Variants in ZMAT1 observed in about 807,000 individuals in gnomAD.
ZMAT1 encodes zinc finger matrin-type protein 1.
Under a neutral mutation model 18.5 loss-of-function variants are expected in ZMAT1, and 11 were observed. The observed-to-expected ratio is 0.59, with a 90% CI of 0.37 to 0.98. The LOEUF is 0.98. Ranked by LOEUF, ZMAT1 falls within the 50% of genes least tolerant of loss-of-function variation. The pLI, the probability that ZMAT1 is intolerant of heterozygous loss-of-function variation, is 0.01. For synonymous variants in ZMAT1, 211 were observed against 176.4 expected (o/e 1.20, Z -1.55); for missense variants, 525 against 496.2 (o/e 1.06, Z -0.55).
At position 101,929,476 on chromosome X, in the gene ZMAT1, G is replaced by C. The variant is rs1381199407; in HGVS notation, c.292+2241C>G. Among the ~76,000 whole-genome samples the C allele has an allele frequency of 5.0e-5, 5 of 99,473 alleles. No individual in the cohort carries two copies. The South Asian group carries it at 2.4e-3, about 47-fold the overall frequency. The allele number at this position is 99,473 out of a possible 115,157, so 86.4% of individuals were successfully genotyped here. A position where few individuals can be genotyped will look rare whatever the true frequency, so the allele number is the denominator to read the frequency against. ...ATATATACACACAGAGAGAGAGAGA[G>C]AGAGAGAGAGAGAGAGACACACAAA... On this transcript the variant is annotated intron_variant, in intron 1 of 5. Coordinates refer to ENST00000651725, the MANE Select transcript of ZMAT1 (RefSeq NM_001394560.1).
At position 101,884,639 on chromosome X, in the gene ZMAT1, G is replaced by T. The variant is rs1244191636; in HGVS notation, c.959C>A (p.Pro320His). ...TCTTTGTTCAAACATTCTATGTCTG[G>T]GTCTGGAATCGACCACTTCTCTGTA... ...RRYREVVDSR[P>H]RHRMFEQRLP... The change falls in exon 6 of 6, where the codon CCC (proline) becomes CAC (histidine). Residue 320 changes from proline (P) to histidine (H), a missense_variant. Coordinates refer to ENST00000651725, the MANE Select transcript of ZMAT1 (RefSeq NM_001394560.1). 1.8e-5 allele frequency: 22 copies of T among 1,210,534 alleles called. No individual in the cohort carries two copies. Among genetic ancestry groups the T allele is most frequent in the Non-Finnish European group, 2.5e-5 (22 of 894,987 alleles).
At chrX:101,920,816 G>C (rs1022920283) in intron 1 of ZMAT1, among the ~76,000 whole-genome samples, 6 of 111,369 alleles carry the variant, frequency 5.4e-5, no homozygotes, top group African/African-American at 2.0e-4. Flanking sequence ...TAAAATCAAA[G>C]TATCTGTGGG....
chrX:101,896,661 A>G (rs1927829330), intron 4 of ZMAT1, among the ~76,000 whole-genome samples: 1 of 112,220 alleles, frequency 8.9e-6, no homozygotes, highest in Non-Finnish European at 1.9e-5. Context: ...TTTCCATGGC[A>G]GGCATGCCTT....
chrX:101,900,845 G>A (rs770706216), intron 2 of ZMAT1, among the ~76,000 whole-genome samples: 68 of 111,363 alleles, frequency 6.1e-4, no homozygotes, highest in Admixed American at 3.0e-3. Flanking sequence ...GAAGAATGAT[G>A]GTGGTATTTT....
At chrX:101,899,617 A>G (rs956608932) in intron 2 of ZMAT1, among the ~76,000 whole-genome samples, 6 of 112,189 alleles carry the variant, frequency 5.3e-5, no homozygotes, top group African/African-American at 1.9e-4. Context: ...TCATCCAGAT[A>G]ACTGAAAATG....
In ZMAT1 at chrX:101,882,474, TTTAAG is replaced by T. The variant is rs1020998759; in HGVS notation, c.*1031_*1035del. On this transcript the variant is annotated 3_prime_UTR_variant, in exon 6 of 6. Transcript: ENST00000651725. ...TTAGATTTAACAAAGAAAAAATCAG[TTTAAG>T]TTATTTCATACATATTCCTTGGAGA... 5 of 111,771 alleles carry T rather than the reference TTTAAG, an allele frequency of 4.5e-5. No individual in the cohort carries two copies. The highest frequency in any genetic ancestry group is 7.6e-5 in the Non-Finnish European group (4 of 52,930). The allele number at this position is 111,771 out of a possible 1,213,427, so 9.2% of individuals were successfully genotyped here.
At chrX:101,909,085 A>G (rs1043984349) in intron 1 of ZMAT1, among the ~76,000 whole-genome samples, 1 of 109,567 alleles carries the variant, frequency 9.1e-6, no homozygotes, top group Non-Finnish European at 1.9e-5. Context: ...GCTCAGCCAC[A>G]CAAGGATAGA....
In ZMAT1 at chrX:101,884,597, A is replaced by C; in HGVS notation, c.1001T>G (p.Phe334Cys). ...ATTGTATGGTGCTGCGTATGTCCGG[A>C]AAGTCTCAAATGGGAGTCTTTGTTC... is the stretch of plus-strand genomic sequence containing the variant. ...MFEQRLPFET[F>C]RTYAAPYNIS... Residue 334 changes from phenylalanine to cysteine, a missense_variant, in exon 6 of 6, where the codon TTC becomes TGC. Physicochemically the swap from Phe to Cys is radical, Grantham distance 205 (BLOSUM62 -2). Transcript: ENST00000651725. The C allele has an allele frequency of 8.3e-7, 1 of 1,211,128 alleles. No homozygotes were observed. The highest frequency in any genetic ancestry group is 1.1e-6 in the Non-Finnish European group (1 of 895,162).
chrX:101,909,304 T>C (rs1012347720), intron 1 of ZMAT1, among the ~76,000 whole-genome samples: 4 of 111,375 alleles, frequency 3.6e-5, no homozygotes, highest in African/African-American at 9.8e-5. Context: ...GTTGAGCCTC[T>C]GACACTTGCT....
At chrX:101,897,735 T>C (rs1927925685) in intron 4 of ZMAT1, 133 bp downstream of exon 4, 1 of 521,626 alleles carries the variant, frequency 1.9e-6, no homozygotes, top group African/African-American at 2.3e-5. Context: ...AGAGATTAAC[T>C]GGGAAGAAGA....
intron 4 of ZMAT1, among the ~76,000 whole-genome samples, chrX:101,896,940 A>G (rs1431128226): frequency 4.5e-5 from 5 of 110,282 alleles, no homozygotes; most frequent in Non-Finnish European, 9.5e-5. Context: ...CTAACTGATG[A>G]TGCTGGTAGT....
At chrX:101,894,577 A>G in intron 4 of ZMAT1, 1 of 565,592 alleles carries the variant, frequency 1.8e-6, no homozygotes, top group Non-Finnish European at 2.1e-6. Flanking sequence ...AAGCATACAG[A>G]TGAGAAATGA....
chrX:101,917,543 G>A (rs1603283281), intron 1 of ZMAT1, among the ~76,000 whole-genome samples: 1 of 112,510 alleles, frequency 8.9e-6, no homozygotes, highest in East Asian at 2.8e-4. Context: ...AATAGCAAAT[G>A]CTGGCAAGGA....
chrX:101,900,774 T>C (rs1163924395), intron 2 of ZMAT1, among the ~76,000 whole-genome samples: 1 of 112,019 alleles, frequency 8.9e-6, no homozygotes, highest in Non-Finnish European at 1.9e-5. Flanking sequence ...AGTCTTGCTT[T>C]GGCTATGTGG....
intron 1 of ZMAT1, among the ~76,000 whole-genome samples, chrX:101,906,234 A>G (rs992704025): frequency 9.0e-6 from 1 of 110,845 alleles, no homozygotes; most frequent in Non-Finnish European, 1.9e-5. Flanking sequence ...AGGCCTGCAC[A>G]GTGGACTTGG....
At chrX:101,921,192 C>T (rs1261056680) in intron 1 of ZMAT1, among the ~76,000 whole-genome samples, 1 of 111,499 alleles carries the variant, frequency 9.0e-6, no homozygotes, top group African/African-American at 3.3e-5. Context: ...TGTTTTCAAG[C>T]CTAGCTGCAC....
chrX:101,919,858 G>A (rs1221423950), intron 1 of ZMAT1, among the ~76,000 whole-genome samples: 6 of 110,811 alleles, frequency 5.4e-5, no homozygotes, highest in African/African-American at 2.0e-4. Flanking sequence ...GCATTCAACA[G>A]GCGGAAAGGA....
intron 1 of ZMAT1, among the ~76,000 whole-genome samples, chrX:101,907,406 G>A (rs1464704623): frequency 1.8e-5 from 2 of 112,535 alleles, no homozygotes; most frequent in African/African-American, 6.5e-5. Context: ...CAGATGGCCT[G>A]CCCGGGAATC....
intron 4 of ZMAT1, chrX:101,894,905 C>G: frequency 2.7e-6 from 2 of 751,547 alleles, no homozygotes; most frequent in Non-Finnish European, 3.1e-6. Flanking sequence ...GAGAAGGTGC[C>G]TGTGGGGGGA....
Sources: gnomAD v4.1 joint callset for allele counts (sites outside exome capture counted in the v4.1 genomes callset) on GRCh38, gnomAD v4.1.1 for gene constraint, MANE v1.5 for transcripts, NCBI Gene and HGNC (gene_info 2026-07-23, HGNC 2026-07-21) for gene names.